ARHGAP23: variants seen among roughly 807,000 people sequenced by gnomAD.
ARHGAP23 encodes rho GTPase-activating protein 23.
In ARHGAP23, 34 loss-of-function variants were observed where a neutral mutation model predicts 136.3. The observed-to-expected ratio is 0.25, with a 90% CI of 0.19 to 0.33. The LOEUF is 0.33. Among genes scored for constraint, ARHGAP23 ranks in the 10% least tolerant of loss-of-function variants. ARHGAP23 has a pLI of 1.00. For synonymous variants in ARHGAP23, 832 were observed against 920.5 expected (o/e 0.90, Z 1.74); for missense variants, 1,808 against 2,139.0 (o/e 0.85, Z 3.05).
intron 1 of ARHGAP23, among the ~76,000 whole-genome samples, chr17:38,429,496 C>G (rs970326706): frequency 6.6e-6 from 1 of 152,228 alleles, no homozygotes; most frequent in Non-Finnish European, 1.5e-5. Context: ...GAGGCCTGTT[C>G]CTCTTTAGAC....
At position 38,480,843 on chromosome 17, in the gene ARHGAP23, T is replaced by C. The variant is rs1242276856; in HGVS notation, c.2629+960T>C. ...AAAAAAAGAAAGAAAGTTGTTCCCT[T>C]GGGCCAGCAGACATGGTGGCTGACA... On this transcript the variant is annotated intron_variant, in intron 14 of 23. Transcript: ENST00000622683. Among the ~76,000 whole-genome samples the C allele has an allele frequency of 4.6e-5, 7 of 150,890 alleles. No homozygotes were observed. The South Asian group carries it at 1.5e-3, about 32-fold the overall frequency.
chr17:38,433,837 GGC>G (rs2038735254), intron 1 of ARHGAP23, among the ~76,000 whole-genome samples: 1 of 152,180 alleles, frequency 6.6e-6, no homozygotes, highest in Non-Finnish European at 1.5e-5. Flanking sequence ...TTGTATTCTA[GGC>G]CCAGGAAGGG....
intron 1 of ARHGAP23, among the ~76,000 whole-genome samples, chr17:38,440,308 T>A (rs899445005): frequency 4.6e-5 from 7 of 152,218 alleles, no homozygotes; most frequent in South Asian, 4.1e-4. Flanking sequence ...CATGAGGCAC[T>A]ATGCCCAGGC....
chr17:38,497,415 T>G (rs1385006142), intron 20 of ARHGAP23, among the ~76,000 whole-genome samples: 1 of 152,188 alleles, frequency 6.6e-6, no homozygotes, highest in Non-Finnish European at 1.5e-5. Flanking sequence ...GGTGCCTCCC[T>G]GCCCCCCGGC....
chr17:38,491,339 TC>T, intron 19 of ARHGAP23, 67 bp from the exon 20 acceptor site: 1 of 1,545,488 alleles, frequency 6.5e-7, no homozygotes, highest in Non-Finnish European at 8.7e-7. Context: ...GACAGAGGCC[TC>T]AGGTGCCAGA....
At chr17:38,482,991 C>T (rs1230562058) in intron 16 of ARHGAP23, among the ~76,000 whole-genome samples, 1 of 152,170 alleles carries the variant, frequency 6.6e-6, no homozygotes, top group African/African-American at 2.4e-5. Flanking sequence ...CGGTGAAAGC[C>T]AGGTGAGGGC....
In ARHGAP23 at chr17:38,458,104, G is replaced by T; in HGVS notation, c.66G>T (p.Leu22=). The change falls in exon 2 of 24, where the codon CTG becomes CTT. Residue 22 remains leucine (L), a splice_region_variant and synonymous_variant. Coordinates refer to ENST00000622683, the MANE Select transcript of ARHGAP23 (RefSeq NM_001199417.2). ...PPRPEPRPPQ[L]PLGPRDGCSP... ...CCTGGCCTCTCTGTCTCCCACAGCT[G>T]CCACTGGGCCCAAGAGATGGGTGCT... 6.5e-7 allele frequency: 1 copy of T among 1,536,068 alleles called. No individual in the cohort carries two copies.
chr17:38,463,217 G>A (rs1444334751), intron 5 of ARHGAP23, 21 bp downstream of exon 5: 6 of 1,550,824 alleles, frequency 3.9e-6, no homozygotes, highest in Admixed American at 3.9e-5. Flanking sequence ...CTGACCCCTC[G>A]TCCCATATTA....
At chr17:38,428,439 C>T (rs766345115), upstream of ARHGAP23, 4 of 1,282,340 alleles carry the variant, frequency 3.1e-6, no homozygotes, top group Admixed American at 6.3e-5. Context: ...GGGTCCCTGC[C>T]GGCGCCCCCA....
intron 11 of ARHGAP23, among the ~76,000 whole-genome samples, chr17:38,472,594 G>C (rs1163903142): frequency 6.6e-6 from 1 of 152,148 alleles, no homozygotes; most frequent in Non-Finnish European, 1.5e-5. Context: ...GAGGGCCTGG[G>C]AGGGAACCAG....
At chr17:38,506,352 C>T (rs895367582) in intron 23 of ARHGAP23, among the ~76,000 whole-genome samples, 9 of 152,176 alleles carry the variant, frequency 5.9e-5, no homozygotes, top group African/African-American at 1.9e-4. Flanking sequence ...TCCAGAGCCT[C>T]CCCTGTGAGA....
In ARHGAP23 at chr17:38,490,167, C is replaced by A. The variant is rs760361796; in HGVS notation, c.3052C>A (p.Arg1018=). 2.7e-5 allele frequency: 42 copies of A among 1,551,470 alleles called. No individual in the cohort carries two copies. The African/African-American group carries it at 5.1e-4, about 19-fold the overall frequency. The part of the protein sequence containing the change: ...EDARERMRTL[R]KLIRDLPGHY... ...CGCGCGGGAGCGAATGAGGACGCTG[C>A]GGAAGCTGGTAAGGAGAGAGAGGTG... Residue 1018 remains arginine, a synonymous_variant, in exon 18 of 24, where the codon CGG becomes AGG. Transcript: ENST00000622683.
chr17:38,490,054 G>A, intron 17 of ARHGAP23, 48 bp from the exon 18 acceptor site: 1 of 1,534,110 alleles, frequency 6.5e-7, no homozygotes, highest in Non-Finnish European at 8.8e-7. Context: ...GGGAGAACAG[G>A]GGAAGGCGCT....
intron 1 of ARHGAP23, among the ~76,000 whole-genome samples, chr17:38,423,304 T>C (rs1466435083): frequency 6.6e-6 from 1 of 151,942 alleles, no homozygotes; most frequent in Non-Finnish European, 1.5e-5. Context: ...GCGATTCTCC[T>C]GCTTCAGCCT....
chr17:38,485,753 T>C (rs2040145128), intron 16 of ARHGAP23, among the ~76,000 whole-genome samples: 1 of 152,190 alleles, frequency 6.6e-6, no homozygotes, highest in Admixed American at 6.6e-5. Flanking sequence ...ATGCTTAAAC[T>C]GTGCCCAGTG....
chr17:38,465,875 C>T (rs2039578561), intron 6 of ARHGAP23, among the ~76,000 whole-genome samples: 1 of 152,162 alleles, frequency 6.6e-6, no homozygotes, highest in South Asian at 2.1e-4. Flanking sequence ...GGGAGGACCC[C>T]AGGAAACAGA....
chr17:38,508,959 T>C (rs1414242404), intron 23 of ARHGAP23, among the ~76,000 whole-genome samples: 4 of 146,162 alleles, frequency 2.7e-5, no homozygotes, highest in Non-Finnish European at 4.5e-5. Context: ...TGGTATTTTC[T>C]AGGGAACACG....
intron 1 of ARHGAP23, among the ~76,000 whole-genome samples, chr17:38,430,898 C>T (rs1177445577): frequency 6.6e-6 from 1 of 152,166 alleles, no homozygotes; most frequent in African/African-American, 2.4e-5. Context: ...ATAGTTAATA[C>T]ACAGACAGCA....
In ARHGAP23 at chr17:38,511,049, C is replaced by A; in HGVS notation, c.*77C>A. Reference sequence around the variant, plus strand: ...AACCAGGAGGCTTCACCAGCCTGCACCTCCTCTTCTGTGGCCCCTGGGTGC... The same window carrying A: ...AACCAGGAGGCTTCACCAGCCTGCAACTCCTCTTCTGTGGCCCCTGGGTGC... On this transcript the variant is annotated 3_prime_UTR_variant, in exon 24 of 24. Transcript: ENST00000622683. The A allele has an allele frequency of 1.5e-6, 2 of 1,337,742 alleles. No individual in the cohort carries two copies. Among genetic ancestry groups the A allele is most frequent in the Non-Finnish European group, 1.9e-6 (2 of 1,040,168 alleles). The allele number at this position is 1,337,742 out of a possible 1,614,324, so 82.9% of individuals were successfully genotyped here.
Sources: allele counts gnomAD v4.1 joint callset (sites outside exome capture counted in the v4.1 genomes callset), GRCh38; gene constraint gnomAD v4.1.1; transcripts MANE v1.5; gene names NCBI Gene and HGNC (gene_info 2026-07-23, HGNC 2026-07-21).